Variants in BMPR1A observed in about 807,000 individuals in gnomAD.
BMPR1A encodes the protein bone morphogenetic protein receptor type-1A.
Under a neutral mutation model 66.0 loss-of-function variants are expected in BMPR1A, and 7 were observed. The observed-to-expected ratio is 0.11, with a 90% CI of 0.06 to 0.20. BMPR1A has a LOEUF of 0.20. BMPR1A is among the 10% of genes least tolerant of loss of function. The pLI is 1.00. For missense variants in BMPR1A, 408 were observed against 669.1 expected (o/e 0.61, Z 4.31); for synonymous variants, 200 against 229.7 (o/e 0.87, Z 1.17).
intron 1 of BMPR1A, among the ~76,000 whole-genome samples, chr10:86,770,342 G>C (rs1164607580): frequency 6.6e-6 from 1 of 152,128 alleles, no homozygotes; most frequent in African/African-American, 2.4e-5. Flanking sequence ...AGCCCAGAAG[G>C]TTGAGGCTGC....
chr10:86,786,606 T>G (rs1241225985), intron 1 of BMPR1A, among the ~76,000 whole-genome samples: 1 of 152,246 alleles, frequency 6.6e-6, no homozygotes, highest in Admixed American at 6.5e-5. Flanking sequence ...GCTCAGTCCT[T>G]AGACCTCTGT....
At chr10:86,858,023 T>G (rs902430928) in intron 2 of BMPR1A, among the ~76,000 whole-genome samples, 1 of 152,044 alleles carries the variant, frequency 6.6e-6, no homozygotes, top group Non-Finnish European at 1.5e-5. Flanking sequence ...TTTCCACCTC[T>G]TAAAAAGAAG....
rs770909714 is a variant in BMPR1A, at chr10:86,876,121, A to G, written c.67+36A>G. On this transcript the variant is annotated intron_variant, in intron 3 of 12. Coordinates refer to ENST00000372037, the MANE Select transcript of BMPR1A (RefSeq NM_004329.3). ...GTTCATTTTAGTAATGTATGTGTGT[A>G]TATAAAAAGCACTATTTCTTGCTTC... 7.1e-6 allele frequency: 11 copies of G among 1,559,058 alleles called. 1 individual carries two copies. In the Admixed American group the frequency reaches 1.8e-4, roughly 26 times the overall value.
At chr10:86,899,742 A>G in intron 5 of BMPR1A, 52 bp from the exon 6 acceptor site, 2 of 1,531,924 alleles carry the variant, frequency 1.3e-6, no homozygotes, top group Admixed American at 1.7e-5. Context: ...AAAAAGACAT[A>G]TCAGTTTAAA....
At position 86,916,349 on chromosome 10, in the gene BMPR1A, G is replaced by A. The variant is rs572718307; in HGVS notation, c.676-785G>A. On this transcript the variant is annotated intron_variant, in intron 8 of 12. Coordinates refer to ENST00000372037, the MANE Select transcript of BMPR1A (RefSeq NM_004329.3). ...TATTTCTCATTCTGTGAGTCTGTGG[G>A]GCAGTTCATTTGTTGGACTTGCTTA... 2.0e-5 allele frequency among the ~76,000 whole-genome samples: 3 copies of A among 152,214 alleles called. No individual in the cohort carries two copies. The East Asian group carries it at 5.8e-4, about 29-fold the overall frequency.
intron 1 of BMPR1A, among the ~76,000 whole-genome samples, chr10:86,831,343 T>C (rs1589736701): frequency 6.6e-6 from 1 of 152,266 alleles, no homozygotes; most frequent in Admixed American, 6.5e-5. Flanking sequence ...TTTATGTCTA[T>C]ATAAAAAGAT....
At chr10:86,841,203 C>G (rs1208412385) in intron 2 of BMPR1A, among the ~76,000 whole-genome samples, 1 of 152,146 alleles carries the variant, frequency 6.6e-6, no homozygotes, top group African/African-American at 2.4e-5. Flanking sequence ...TAAATAAAAA[C>G]AGGTTCCTAG....
chr10:86,782,590 A>T (rs931205270), intron 1 of BMPR1A, among the ~76,000 whole-genome samples: 2 of 151,896 alleles, frequency 1.3e-5, no homozygotes, highest in African/African-American at 4.8e-5. Context: ...AGTTTTGCCG[A>T]TGATTAGTGA....
intron 1 of BMPR1A, among the ~76,000 whole-genome samples, chr10:86,781,330 C>G (rs1841434610): frequency 6.6e-6 from 1 of 152,122 alleles, no homozygotes; most frequent in Non-Finnish European, 1.5e-5. Flanking sequence ...TGTGAGAAAT[C>G]CGCTGGCTGT....
chr10:86,827,389 C>G (rs1296048410), intron 1 of BMPR1A, among the ~76,000 whole-genome samples: 1 of 151,894 alleles, frequency 6.6e-6, no homozygotes, highest in Non-Finnish European at 1.5e-5. Context: ...TATAATATTC[C>G]AAATTACTGG....
chr10:86,827,924 A>G (rs1405819681), intron 1 of BMPR1A, among the ~76,000 whole-genome samples: 1 of 152,152 alleles, frequency 6.6e-6, no homozygotes, highest in African/African-American at 2.4e-5. Context: ...GAGGCCAAAG[A>G]GGGCGGATCA....
chr10:86,763,877 G>A (rs1185190326), intron 1 of BMPR1A, among the ~76,000 whole-genome samples: 1 of 142,812 alleles, frequency 7.0e-6, no homozygotes, highest in Non-Finnish European at 1.5e-5. Context: ...TGCAAGCTCT[G>A]CCTCCCGGGT....
intron 1 of BMPR1A, among the ~76,000 whole-genome samples, chr10:86,824,230 C>T (rs933337554): frequency 3.3e-5 from 5 of 152,026 alleles, no homozygotes; most frequent in Admixed American, 2.0e-4. Flanking sequence ...GTGGGCAGTC[C>T]CTAGTTGGCT....
At chr10:86,793,094 A>ACACCCCCCCCCCCCCCCCCCCCCCCCCCC (rs1841653117) in intron 1 of BMPR1A, among the ~76,000 whole-genome samples, 1 of 106,032 alleles carries the variant, frequency 9.4e-6, no homozygotes, top group Admixed American at 1.0e-4. Flanking sequence ...CCTGATCTAT[A>ACACCCCCCCCCCCCCCCCCCCCCCCCCCC]CCCCCCCCCA....
At chr10:86,856,389 C>T (rs931808521) in intron 2 of BMPR1A, among the ~76,000 whole-genome samples, 2 of 152,132 alleles carry the variant, frequency 1.3e-5, no homozygotes, top group African/African-American at 4.8e-5. Context: ...GAGTCTCGCC[C>T]CGAGGCACCA....
At chr10:86,919,129 A>T (rs748882022) in intron 9 of BMPR1A, 43 bp from the exon 10 acceptor site, 2 of 1,607,532 alleles carry the variant, frequency 1.2e-6, no homozygotes, top group African/African-American at 2.7e-5. Context: ...TCCCTAGCCT[A>T]TCTCTGATGA....
rs111255462 is a variant in BMPR1A at position 86,883,871 on chromosome 10, CTT to C, written c.68-6176_68-6175del. ...GTGTAAACTTTGTTTGAGCGTATGACTTTTTTTTTTTTTTTTCTATTTGAGAC... is the reference window on the plus strand; with the variant it reads ...GTGTAAACTTTGTTTGAGCGTATGACTTTTTTTTTTTTTTCTATTTGAGAC... On this transcript the variant is annotated intron_variant, in intron 3 of 12. Coordinates refer to ENST00000372037, the MANE Select transcript of BMPR1A (RefSeq NM_004329.3). Among the ~76,000 whole-genome samples, 280 of 135,192 alleles carry C rather than the reference CTT, an allele frequency of 2.1e-3. 1 individual carries two copies. Among genetic ancestry groups the C allele is most frequent in the East Asian group, 6.6e-3 (30 of 4,536 alleles). The allele number at this position is 135,192 out of a possible 152,430, so 88.7% of individuals were successfully genotyped here.
At chr10:86,776,567 T>A (rs1564680663) in intron 1 of BMPR1A, among the ~76,000 whole-genome samples, 1 of 152,206 alleles carries the variant, frequency 6.6e-6, no homozygotes, top group Non-Finnish European at 1.5e-5. Flanking sequence ...AGTGGAATTT[T>A]CTGTTGCAGA....
chr10:86,804,797 T>G (rs1841865880), intron 1 of BMPR1A, among the ~76,000 whole-genome samples: 2 of 149,594 alleles, frequency 1.3e-5, no homozygotes, highest in East Asian at 1.9e-4. Context: ...TAGGTGTTTT[T>G]TTTTTTTTTT....
Sources: allele counts gnomAD v4.1 joint callset (sites outside exome capture counted in the v4.1 genomes callset), GRCh38; gene constraint gnomAD v4.1.1; transcripts MANE v1.5; gene names NCBI Gene and HGNC (gene_info 2026-07-23, HGNC 2026-07-21).